KCNC3: variants seen among roughly 807,000 people sequenced by gnomAD.
The protein encoded by KCNC3 is voltage-gated potassium channel KCNC3.
In KCNC3, 22 loss-of-function variants were observed where a neutral mutation model predicts 43.9. The ratio of observed to expected loss-of-function variants is 0.50; its 90% confidence interval spans 0.36 to 0.72. The LOEUF (loss-of-function observed/expected upper bound fraction) is 0.72. KCNC3 is among the 30% of genes least tolerant of loss of function. The pLI, the probability that KCNC3 is intolerant of heterozygous loss-of-function variation, is 0.00. For synonymous variants in KCNC3, 492 were observed against 488.0 expected (o/e 1.01, Z -0.11); for missense variants, 829 against 1,073.8 (o/e 0.77, Z 3.19).
At chr19:50,325,412 C>G (rs2037089925) in intron 1 of KCNC3, among the ~76,000 whole-genome samples, 1 of 152,036 alleles carries the variant, frequency 6.6e-6, no homozygotes, top group Non-Finnish European at 1.5e-5. Flanking sequence ...TTGGGGTGGG[C>G]CAAGGGCCAG....
At position 50,320,568 on chromosome 19, in the gene KCNC3, G is replaced by C. The variant is rs373637858; in HGVS notation, c.2170+25C>G. ...AGGGGAGAGAGAGGGAGGGTCCCAG[G>C]GGATCAGTAGGGGGGGCACCTCACC... On this transcript the variant is annotated intron_variant, in intron 3 of 4. Transcript: ENST00000477616. 4.4e-5 allele frequency: 71 copies of C among 1,602,312 alleles called. No homozygotes were observed. In the African/African-American group the frequency reaches 8.7e-4, roughly 20 times the overall value.
In KCNC3 at chr19:50,324,881, G is replaced by A. The variant is rs2037083738; in HGVS notation, c.871-799C>T. On this transcript the variant is annotated intron_variant, in intron 1 of 4. Transcript: ENST00000477616. The surrounding 1 kb of genome is among the most constrained non-coding windows in gnomAD (Gnocchi z 4.1). Reference sequence around the variant, plus strand: ...GGAGGTGGGGGTCCGGGCCCTTAAGGGAGGAGGGGTTGAAGGGTTAAGCCT... The same window carrying A: ...GGAGGTGGGGGTCCGGGCCCTTAAGAGAGGAGGGGTTGAAGGGTTAAGCCT... Among the ~76,000 whole-genome samples the A allele has an allele frequency of 6.6e-6, 1 of 152,204 alleles. No homozygotes were observed. The highest frequency in any genetic ancestry group is 1.5e-5 in the Non-Finnish European group (1 of 68,016).
intron 4 of KCNC3, among the ~76,000 whole-genome samples, chr19:50,318,851 A>G (rs2036990041): frequency 6.6e-6 from 1 of 152,092 alleles, no homozygotes; most frequent in African/African-American, 2.4e-5. Context: ...CCAAGGCAGG[A>G]GGACTGCTTG....
intron 4 of KCNC3, among the ~76,000 whole-genome samples, chr19:50,317,244 A>C (rs983976897): frequency 1.3e-5 from 2 of 152,026 alleles, no homozygotes; most frequent in East Asian, 1.9e-4. Context: ...GGGATGGAAC[A>C]AGAGGAGCCA....
At chr19:50,333,085 A>T (rs890410538), upstream of KCNC3, among the ~76,000 whole-genome samples, 4 of 152,092 alleles carry the variant, frequency 2.6e-5, no homozygotes, top group African/African-American at 9.7e-5. Context: ...TCCCCGCTAT[A>T]ATCTTTGGGT....
At chr19:50,331,880 A>C, upstream of KCNC3, among the ~76,000 whole-genome samples, 1 of 149,676 alleles carries the variant, frequency 6.7e-6, no homozygotes, top group African/African-American at 2.5e-5. Flanking sequence ...TTTTTCTCAG[A>C]CCCCCCATCA....
At position 50,323,706 on chromosome 19, in the gene KCNC3, A is replaced by G; in HGVS notation, c.1247T>C (p.Val416Ala). 1 of 1,614,130 alleles carries G rather than the reference A, an allele frequency of 6.2e-7. No homozygotes were observed. Among genetic ancestry groups the G allele is most frequent in the Non-Finnish European group, 8.5e-7 (1 of 1,180,030 alleles). The change falls in exon 2 of 5, where the codon GTC (valine) becomes GCC (alanine). Residue 416 changes from valine to alanine, a missense_variant. Physicochemically the swap from Val to Ala is moderately conservative, Grantham distance 64. Coordinates refer to ENST00000477616, the MANE Select transcript of KCNC3 (RefSeq NM_004977.3). ...AKDVLGFLRV[V>A]RFVRILRIFK... ...GATGCGCAGGATGCGGACGAAGCGG[A>G]CCACCCGCAGGAAGCCCAGCACGTC... is the stretch of plus-strand genomic sequence containing the variant.
At chr19:50,325,477 C>A (rs1978860601) in intron 1 of KCNC3, among the ~76,000 whole-genome samples, 1 of 151,518 alleles carries the variant, frequency 6.6e-6, no homozygotes, top group Non-Finnish European at 1.5e-5. Context: ...CTGGGCTTGA[C>A]TTCACTGAGG....
rs770769947 is a variant in KCNC3 at position 50,320,702 on chromosome 19, C to A, written c.2061G>T (p.Pro687=). ...CPAIDQPAMS[P]EDKSPITPGS... ...CAGGCGTGATGGGGCTCTTGTCTTCCGGGGACATGGCAGGCTGGTCAATGG... is the reference window on the plus strand; with the variant it reads ...CAGGCGTGATGGGGCTCTTGTCTTCAGGGGACATGGCAGGCTGGTCAATGG... The change falls in exon 3 of 5, where the codon CCG becomes CCT. Residue 687 remains proline, a synonymous_variant. Coordinates refer to ENST00000477616, the MANE Select transcript of KCNC3 (RefSeq NM_004977.3). 2.5e-6 allele frequency: 4 copies of A among 1,613,746 alleles called. No individual in the cohort carries two copies. In the Admixed American group the frequency reaches 5.0e-5, roughly 20 times the overall value.
chr19:50,333,293 A>T (rs551706449), upstream of KCNC3, among the ~76,000 whole-genome samples: 5 of 152,024 alleles, frequency 3.3e-5, no homozygotes, highest in African/African-American at 1.2e-4. Flanking sequence ...CAGAGGGGGG[A>T]GTGACATCAC....
At position 50,328,744 on chromosome 19, in the gene KCNC3, C is replaced by T; in HGVS notation, c.339G>A (p.Arg113=). 6.3e-7 allele frequency: 1 copy of T among 1,592,776 alleles called. No homozygotes were observed. Among genetic ancestry groups the T allele is most frequent in the East Asian group, 2.3e-5 (1 of 43,694 alleles). ...RSTLRTLPGT[R]LAGLTEPEAA... ...CCTCGGGCTCCGTCAGGCCGGCCAG[C>T]CGCGTCCCCGGCAGGGTGCGCAGCG... The change falls in exon 1 of 5, where the codon CGG becomes CGA. Residue 113 remains arginine (R), a synonymous_variant. Transcript: ENST00000477616.
upstream of KCNC3, among the ~76,000 whole-genome samples, chr19:50,330,021 CTT>C (rs1165897187): frequency 2.0e-5 from 3 of 152,112 alleles, no homozygotes; most frequent in Non-Finnish European, 4.4e-5. Context: ...AACGCCAGCA[CTT>C]TGCGAGGCTG....
intron 1 of KCNC3, among the ~76,000 whole-genome samples, chr19:50,326,923 G>GT (rs913089198): frequency 7.1e-4 from 36 of 50,524 alleles, no homozygotes; most frequent in Admixed American, 2.6e-3. Context: ...TTTGCACGGC[G>GT]GGGGGGGAGG....
chr19:50,317,712 C>A (rs1220390972), intron 4 of KCNC3, among the ~76,000 whole-genome samples: 1 of 152,180 alleles, frequency 6.6e-6, no homozygotes, highest in Non-Finnish European at 1.5e-5. Flanking sequence ...AAGCTCAGGG[C>A]CTGTGCACTT....
At chr19:50,316,250 G>A (rs570958890) in intron 4 of KCNC3, among the ~76,000 whole-genome samples, 159 bp from the exon 5 acceptor site, 3 of 151,758 alleles carry the variant, frequency 2.0e-5, no homozygotes, top group Admixed American at 2.0e-4. Flanking sequence ...AATGGGGGGC[G>A]GCTGAGACAT....
Position 50,320,260 on chromosome 19 carries a change from A to G in KCNC3, c.2260T>C (p.Trp754Arg). The G allele has an allele frequency of 8.8e-6, 8 of 910,872 alleles. No homozygotes were observed. Among genetic ancestry groups the G allele is most frequent in the South Asian group, 2.8e-5 (1 of 35,712 alleles). The allele number at this position is 910,872 out of a possible 1,614,324, so 56.4% of individuals were successfully genotyped here. ...GGGTTCGTCCACTAGGGGGATATCC[A>G]GGCCGCGGCGTTGGCGTTGAGGTCG... ...LPDLNANAAAWISP is the reference protein window; with the variant it reads ...LPDLNANAAARISP Residue 754 changes from tryptophan (W) to arginine (R), a missense_variant, in exon 4 of 5, where the codon TGG becomes CGG. By Grantham distance (101) the Trp-to-Arg change is moderately radical. Coordinates refer to ENST00000477616, the MANE Select transcript of KCNC3 (RefSeq NM_004977.3).
At chr19:50,331,098 C>T (rs2037183397), upstream of KCNC3, among the ~76,000 whole-genome samples, 1 of 145,268 alleles carries the variant, frequency 6.9e-6, no homozygotes, top group Non-Finnish European at 1.5e-5. Flanking sequence ...GTCTCTTTTT[C>T]TCCCTTCTTG....
chr19:50,333,046 G>A (rs918901489), upstream of KCNC3, among the ~76,000 whole-genome samples: 55 of 152,230 alleles, frequency 3.6e-4, no homozygotes, highest in African/African-American at 1.3e-3. Context: ...AAGTACCTTG[G>A]CCCCGAAAGC....
At chr19:50,317,299 G>A (rs182348463) in intron 4 of KCNC3, among the ~76,000 whole-genome samples, 9 of 152,176 alleles carry the variant, frequency 5.9e-5, no homozygotes, top group African/African-American at 2.2e-4. Context: ...CTGGGGTCTC[G>A]GCCCTTGTGC....
Sources: gnomAD v4.1 joint callset for allele counts (sites outside exome capture counted in the v4.1 genomes callset) on GRCh38, gnomAD v4.1.1 for gene constraint, Gnocchi (gnomAD v3.1) non-coding constraint, MANE v1.5 for transcripts, NCBI Gene and HGNC (gene_info 2026-07-23, HGNC 2026-07-21) for gene names.